SELENOH: variants seen among roughly 807,000 people sequenced by gnomAD.
SELENOH encodes chromosome 11 open reading frame 31.
In SELENOH, 13 loss-of-function variants were observed where a neutral mutation model predicts 11.9. The ratio of observed to expected loss-of-function variants is 1.09; its 90% CI spans 0.71 to 1.74. The LOEUF is 1.74. SELENOH is among the 40% of genes most tolerant of loss of function. The probability of loss-of-function intolerance (pLI) is 0.00; values close to 1 mark genes in which losing one functional copy is unlikely to be tolerated. For synonymous variants in SELENOH, 96 were observed against 73.5 expected, an observed-to-expected ratio of 1.31 and a Z score of -1.56; for missense variants, 223 against 170.3, an observed-to-expected ratio of 1.31 and a Z score of -1.72.
chr11:57,741,836 C>T lies in SELENOH; in HGVS notation c.150C>T (p.Asn50=). The T allele has an allele frequency of 6.2e-7, 1 of 1,606,082 alleles. No individual in the cohort carries two copies. Among genetic ancestry groups the T allele is most frequent in the Non-Finnish European group, 8.5e-7 (1 of 1,176,688 alleles). The change falls in exon 2 of 4, where the codon AAC becomes AAT. Residue 50 remains asparagine, a synonymous_variant. Coordinates refer to ENST00000534355, the MANE Select transcript of SELENOH (RefSeq NM_170746.4). The part of the protein sequence containing the change: ...HCTSURVYGR[N]AAALSQALRL... ...CTAGCTGACGCGTCTATGGGCGCAA[C>T]GCCGCGGCCCTGAGCCAGGCGCTGC...
intron 1 of SELENOH, 44 bp from the exon 2 acceptor site, chr11:57,741,765 G>C (rs759950859): frequency 1.2e-4 from 198 of 1,600,730 alleles, no homozygotes; most frequent in Admixed American, 3.6e-4. Context: ...TGGCGCCGGG[G>C]GGGGCCAGGG....
chr11:57,742,433 G>A, intron 3 of SELENOH, 186 bp downstream of exon 3: 1 of 566,458 alleles, frequency 1.8e-6, no homozygotes, highest in South Asian at 2.1e-5. Flanking sequence ...ACAAAAAAAA[G>A]ACACAATATT....
In SELENOH at chr11:57,741,877, A is replaced by C; in HGVS notation, c.191A>C (p.Glu64Ala). Residue 64 changes from glutamate to alanine, a missense_variant, in exon 2 of 4, where the codon GAG becomes GCG. Transcript: ENST00000534355. ...LSQALRLEAP[E>A]LPVKVNPTKP... ...CAGGCGCTGCGCCTGGAGGCCCCAG[A>C]GCTTCCAGTAAAGGTGAACCCGACG... 1 of 1,599,998 alleles carries C rather than the reference A, an allele frequency of 6.3e-7. No homozygotes were observed. The highest frequency in any genetic ancestry group is 8.5e-7 in the Non-Finnish European group (1 of 1,175,954).
rs1256023274 is a variant in SELENOH, at chr11:57,741,840, G to T, written c.154G>T (p.Ala52Ser). The part of the protein sequence containing the change: ...TSURVYGRNA[A>S]ALSQALRLEA... ...CTGACGCGTCTATGGGCGCAACGCC[G>T]CGGCCCTGAGCCAGGCGCTGCGCCT... The change falls in exon 2 of 4, where the codon GCG (alanine) becomes TCG (serine). Residue 52 changes from alanine (A) to serine (S), a missense_variant. Transcript: ENST00000534355. 16 of 1,605,730 alleles carry T rather than the reference G, an allele frequency of 1.0e-5. No individual in the cohort carries two copies. The highest frequency in any genetic ancestry group is 1.4e-5 in the Non-Finnish European group (16 of 1,176,670).
rs762608791 is a variant in SELENOH, at chr11:57,741,919, G to C, written c.233G>C (p.Ser78Thr). 1.3e-6 allele frequency: 2 copies of C among 1,591,712 alleles called. No individual in the cohort carries two copies. Among genetic ancestry groups the C allele is most frequent in the Non-Finnish European group, 8.5e-7 (1 of 1,173,676 alleles). ...AACCCGACGAAGCCCCGGAGGGGCA[G>C]CTTCGAGGTGACGCTGCTGCGCCCG... is the stretch of plus-strand genomic sequence containing the variant. ...KVNPTKPRRG[S>T]FEVTLLRPDG... The change falls in exon 2 of 4, where the codon AGC (serine) becomes ACC (threonine). Residue 78 changes from serine to threonine, a missense_variant. Transcript: ENST00000534355.
At position 57,743,196 on chromosome 11, in the gene SELENOH, A is replaced by T. The variant is rs1949128679; in HGVS notation, c.*364A>T. The T allele has an allele frequency of 6.6e-6, 1 of 152,196 alleles. No individual in the cohort carries two copies. Among genetic ancestry groups the T allele is most frequent in the South Asian group, 2.1e-4 (1 of 4,834 alleles). 9.4% of individuals were successfully genotyped at this position (152,196 alleles called of 1,614,324 possible). On this transcript the variant is annotated 3_prime_UTR_variant, in exon 4 of 4. Transcript: ENST00000534355. ...GAGCCAGAGTCTCACTTTGTCACCC[A>T]TGCTGGAGTATAGTGGTGCTATCTC... is the stretch of plus-strand genomic sequence containing the variant.
In SELENOH at chr11:57,741,969, G is replaced by T. The variant is rs375068573; in HGVS notation, c.268+15G>T. 6.3e-7 allele frequency: 1 copy of T among 1,583,024 alleles called. No homozygotes were observed. Among genetic ancestry groups the T allele is most frequent in the African/African-American group, 1.4e-5 (1 of 73,482 alleles). ...GGACGGCAGCAGTAAGTGGGGACCTGGATGTGGGGGAGAGGGACGTGGGTG... is the reference window on the plus strand; with the variant it reads ...GGACGGCAGCAGTAAGTGGGGACCTTGATGTGGGGGAGAGGGACGTGGGTG... On this transcript the variant is annotated intron_variant, in intron 2 of 3. Transcript: ENST00000534355.
Position 57,742,696 on chromosome 11 carries a change from C to T in SELENOH, c.*31-167C>T, listed in dbSNP as rs990515475. ...TTTGTCCCTAGTGCTTCATACAGTG[C>T]TTTGGCATGTTGTTCTGCACTTATT... On this transcript the variant is annotated intron_variant, in intron 3 of 3. Coordinates refer to ENST00000534355, the MANE Select transcript of SELENOH (RefSeq NM_170746.4). 6.7e-5 allele frequency: 11 copies of T among 165,270 alleles called. No homozygotes were observed. The East Asian group carries it at 1.9e-3, about 28-fold the overall frequency. The allele number at this position is 165,270 out of a possible 1,614,324, so 10.2% of individuals were successfully genotyped here.
At chr11:57,741,781 G>A (rs764144437) in intron 1 of SELENOH, 28 bp from the exon 2 acceptor site, 3 of 1,602,086 alleles carry the variant, frequency 1.9e-6, no homozygotes, top group Non-Finnish European at 1.7e-6. Flanking sequence ...CAGGGGCCCC[G>A]GTTTCTAACC....
chr11:57,742,430 A>G (rs1218865246), intron 3 of SELENOH, 183 bp downstream of exon 3: 1 of 568,880 alleles, frequency 1.8e-6, no homozygotes, highest in Non-Finnish European at 3.1e-6. Context: ...AAAACAAAAA[A>G]AAGACACAAT....
rs1168607803 is a variant in SELENOH at position 57,741,499 on chromosome 11, CG to C, written c.-94del. Reference sequence around the variant, plus strand: ...GTTTCCGCTGTAGGAGCAGAGCTTCCGGGCTGCGCTCTTCGTTGCCCAGTTT... The same window carrying C: ...GTTTCCGCTGTAGGAGCAGAGCTTCCGGCTGCGCTCTTCGTTGCCCAGTTT... On this transcript the variant is annotated 5_prime_UTR_variant, in exon 1 of 4. Transcript: ENST00000534355. 5 of 1,000,250 alleles carry C rather than the reference CG, an allele frequency of 5.0e-6. No individual in the cohort carries two copies. In the East Asian group the frequency reaches 1.0e-4, roughly 20 times the overall value. 62.0% of individuals were successfully genotyped at this position (1,000,250 alleles called of 1,614,324 possible).
In SELENOH at chr11:57,741,900, A is replaced by G. The variant is rs768867284; in HGVS notation, c.214A>G (p.Thr72Ala). 11 of 1,594,210 alleles carry G rather than the reference A, an allele frequency of 6.9e-6. No homozygotes were observed. The highest frequency in any genetic ancestry group is 5.4e-5 in the African/African-American group (4 of 73,558). ...AGAGCTTCCAGTAAAGGTGAACCCG[A>G]CGAAGCCCCGGAGGGGCAGCTTCGA... The part of the protein sequence containing the change: ...APELPVKVNP[T>A]KPRRGSFEVT... The change falls in exon 2 of 4, where the codon ACG becomes GCG. Residue 72 changes from threonine to alanine, a missense_variant. Transcript: ENST00000534355.
rs1949131870 is a variant in SELENOH, at chr11:57,743,384, C to G, written c.*552C>G. The stretch of plus-strand genomic sequence containing the variant: ...ATGTTGGCCAGGCTGGTCTCAAACT[C>G]CTGACCTCAAGTGATATGCCTGCCT... On this transcript the variant is annotated 3_prime_UTR_variant, in exon 4 of 4. Transcript: ENST00000534355. The G allele has an allele frequency of 6.6e-6, 1 of 152,050 alleles. No individual in the cohort carries two copies. Among genetic ancestry groups the G allele is most frequent in the Non-Finnish European group, 1.5e-5 (1 of 68,040 alleles). 9.4% of individuals were successfully genotyped at this position (152,050 alleles called of 1,614,324 possible). A position where few individuals can be genotyped will look rare whatever the true frequency, so the allele number is the denominator to read the frequency against.
In SELENOH at chr11:57,743,372, T is replaced by G. The variant is rs953812226; in HGVS notation, c.*540T>G. 2 of 152,146 alleles carry G rather than the reference T, an allele frequency of 1.3e-5. No individual in the cohort carries two copies. Among genetic ancestry groups the G allele is most frequent in the Non-Finnish European group, 2.9e-5 (2 of 68,058 alleles). The allele number at this position is 152,146 out of a possible 1,614,324, so 9.4% of individuals were successfully genotyped here. A position where few individuals can be genotyped will look rare whatever the true frequency, so the allele number is the denominator to read the frequency against. On this transcript the variant is annotated 3_prime_UTR_variant, in exon 4 of 4. Coordinates refer to ENST00000534355, the MANE Select transcript of SELENOH (RefSeq NM_170746.4). ...CGGGGTTTCACCATGTTGGCCAGGC[T>G]GGTCTCAAACTCCTGACCTCAAGTG... is the stretch of plus-strand genomic sequence containing the variant.
In SELENOH at chr11:57,741,725, G is replaced by T; in HGVS notation, c.122+8G>T. ...CGTTGTTATCGAGCATTGGTGAGGG[G>T]CCTGGAGAGTAACGGGAGAGAGGGA... On this transcript the variant is annotated splice_region_variant and intron_variant, in intron 1 of 3. Coordinates refer to ENST00000534355, the MANE Select transcript of SELENOH (RefSeq NM_170746.4). 1 of 1,591,690 alleles carries T rather than the reference G, an allele frequency of 6.3e-7. No homozygotes were observed.
At position 57,741,709 on chromosome 11, in the gene SELENOH, C is replaced by T. The variant is rs562334219; in HGVS notation, c.114C>T (p.Ile38=). The change falls in exon 1 of 4, where the codon ATC becomes ATT. Residue 38 remains isoleucine, a synonymous_variant. Transcript: ENST00000534355. The stretch of plus-strand genomic sequence containing the variant: ...GAATGGAGGAGGCGACCGTTGTTAT[C>T]GAGCATTGGTGAGGGGCCTGGAGAG... ...GEGMEEATVV[I]EHCTSURVYG... 1.9e-6 allele frequency: 3 copies of T among 1,557,912 alleles called. No homozygotes were observed. Among genetic ancestry groups the T allele is most frequent in the Non-Finnish European group, 1.7e-6 (2 of 1,157,028 alleles).
In SELENOH at chr11:57,741,565, C is replaced by G; in HGVS notation, c.-31C>G. 8.0e-7 allele frequency: 1 copy of G among 1,253,056 alleles called. No homozygotes were observed. Among genetic ancestry groups the G allele is most frequent in the Non-Finnish European group, 1.0e-6 (1 of 992,052 alleles). 77.6% of individuals were successfully genotyped at this position (1,253,056 alleles called of 1,614,324 possible). A position where few individuals can be genotyped will look rare whatever the true frequency, so the allele number is the denominator to read the frequency against. Reference sequence around the variant, plus strand: ...CGTCTCCGCCCCCCACCCACCAGTCCCGCTGCATTCTCGGCCGGGCTCTAG... The same window carrying G: ...CGTCTCCGCCCCCCACCCACCAGTCGCGCTGCATTCTCGGCCGGGCTCTAG... On this transcript the variant is annotated 5_prime_UTR_variant, in exon 1 of 4. Transcript: ENST00000534355.
At chr11:57,742,315 A>G (rs1949105215) in intron 3 of SELENOH, 68 bp downstream of exon 3, 3 of 1,192,118 alleles carry the variant, frequency 2.5e-6, no homozygotes, top group South Asian at 1.4e-5. Context: ...TGGTGTGGCT[A>G]CAAGTACCCA....
intron 3 of SELENOH, 146 bp from the exon 4 acceptor site, chr11:57,742,717 T>G (rs1949119805): frequency 6.3e-6 from 1 of 157,660 alleles, no homozygotes. Context: ...TGTTCTGCAC[T>G]TATTATGTTG....
Sources: allele counts gnomAD v4.1 joint callset, GRCh38; gene constraint gnomAD v4.1.1; transcripts MANE v1.5; gene names NCBI Gene and HGNC (gene_info 2026-07-23, HGNC 2026-07-21).